GLYCTK: variants seen among roughly 807,000 people sequenced by gnomAD.
The protein encoded by GLYCTK is HBeAg binding protein 4.
In GLYCTK, 22 loss-of-function variants were observed where a neutral mutation model predicts 24.8. The observed-to-expected ratio is 0.89, with a 90% CI of 0.63 to 1.27. The LOEUF (loss-of-function observed/expected upper bound fraction) is 1.27, where lower values mean the gene tolerates loss of function less well. Ranked by LOEUF, GLYCTK falls within the 50% of genes most tolerant of loss-of-function variation. The pLI is 0.00. For missense variants in GLYCTK, 684 were observed against 686.7 expected, an observed-to-expected ratio of 1.00 and a Z score of 0.04; for synonymous variants, 320 against 297.2, an observed-to-expected ratio of 1.08 and a Z score of -0.79.
intron 1 of GLYCTK, among the ~76,000 whole-genome samples, chr3:52,289,649 C>T (rs550551185): frequency 6.6e-6 from 1 of 152,320 alleles, no homozygotes; most frequent in African/African-American, 2.4e-5. Context: ...TGAACCTAAA[C>T]CTCTTGCTGA....
At position 52,293,177 on chromosome 3, in the gene GLYCTK, C is replaced by T; in HGVS notation, c.*51C>T. 1.2e-6 allele frequency: 2 copies of T among 1,601,414 alleles called. No individual in the cohort carries two copies. Among genetic ancestry groups the T allele is most frequent in the East Asian group, 2.2e-5 (1 of 44,846 alleles). ...CAGAGGAGGCCTACAAGGGCAAGGTCAGATGGCAGAGCAAGGTTGGTCCTC... is the reference window on the plus strand; with the variant it reads ...CAGAGGAGGCCTACAAGGGCAAGGTTAGATGGCAGAGCAAGGTTGGTCCTC... On this transcript the variant is annotated 3_prime_UTR_variant, in exon 5 of 5. Transcript: ENST00000436784.
At chr3:52,292,118 C>A in intron 4 of GLYCTK, 142 bp from the exon 5 acceptor site, 2 of 1,256,876 alleles carry the variant, frequency 1.6e-6, no homozygotes, top group Non-Finnish European at 2.2e-6. Context: ...TTTTGCAAGC[C>A]CACGTGAGAG....
chr3:52,290,159 C>T, intron 1 of GLYCTK, 145 bp from the exon 2 acceptor site: 1 of 668,604 alleles, frequency 1.5e-6, no homozygotes, highest in South Asian at 2.0e-5. Flanking sequence ...CTGCAGGCTT[C>T]AGGAAGTCTC....
intron 3 of GLYCTK, 166 bp downstream of exon 3, chr3:52,291,277 G>A (rs555315944): frequency 2.5e-5 from 20 of 788,612 alleles, no homozygotes; most frequent in Admixed American, 4.2e-5. Context: ...TGGGCTAGTC[G>A]TCTGGCCTCC....
rs759397584 is a variant in GLYCTK at position 52,292,742 on chromosome 3, A to C, written c.1188A>C (p.Ala396=). 5 of 1,608,646 alleles carry C rather than the reference A, an allele frequency of 3.1e-6. No homozygotes were observed. The South Asian group carries it at 4.4e-5, about 14-fold the overall frequency. Reference sequence around the variant, plus strand: ...TGGAGGAGGCTCTGGAGACCATGGCATGGGGAAGGGGCCCAGTCTGCCTGC... The same window carrying C: ...TGGAGGAGGCTCTGGAGACCATGGCCTGGGGAAGGGGCCCAGTCTGCCTGC... ...LQLEEALETM[A]WGRGPVCLLA... is the part of the protein sequence containing the mutation. Residue 396 remains alanine, a synonymous_variant, in exon 5 of 5, where the codon GCA becomes GCC. Transcript: ENST00000436784.
rs1426274497 is a variant in GLYCTK, at chr3:52,292,687, C to G, written c.1133C>G (p.Ala378Gly). 3 of 1,606,286 alleles carry G rather than the reference C, an allele frequency of 1.9e-6. No individual in the cohort carries two copies. In the South Asian group the frequency reaches 3.3e-5, roughly 18 times the overall value. The change falls in exon 5 of 5, where the codon GCA becomes GGA. Residue 378 changes from alanine to glycine, a missense_variant. Coordinates refer to ENST00000436784, the MANE Select transcript of GLYCTK (RefSeq NM_145262.4). ...VEEDAQLHEL[A>G]AELQIPDLQL... ...GAAGATGCACAGCTCCATGAGCTGG[C>G]AGCTGAGCTTCAGATCCCAGACCTG...
chr3:52,292,112 G>C (rs1684636386), intron 4 of GLYCTK, 148 bp from the exon 5 acceptor site: 3 of 1,225,880 alleles, frequency 2.4e-6, no homozygotes, highest in Non-Finnish European at 3.5e-6. Flanking sequence ...CAGGTGTTTT[G>C]CAAGCCCACG....
Position 52,290,347 on chromosome 3 carries a change from C to T in GLYCTK, c.5C>T (p.Ala2Val), listed in dbSNP as rs754415959. 2.4e-5 allele frequency: 39 copies of T among 1,596,738 alleles called. No individual in the cohort carries two copies. The highest frequency in any genetic ancestry group is 3.1e-5 in the Non-Finnish European group (37 of 1,179,010). Reference sequence around the variant, plus strand: ...CAGTGCTGAGAGCAGTGGGGCATGGCTGCAGCCCTGCAGGTCCTGCCCCGC... The same window carrying T: ...CAGTGCTGAGAGCAGTGGGGCATGGTTGCAGCCCTGCAGGTCCTGCCCCGC... MAAALQVLPRLA... is the reference protein window; with the variant it reads MVAALQVLPRLA... Residue 2 changes from alanine to valine, a missense_variant, in exon 2 of 5, where the codon GCT becomes GTT. Coordinates refer to ENST00000436784, the MANE Select transcript of GLYCTK (RefSeq NM_145262.4).
In GLYCTK at chr3:52,293,025, A is replaced by G. The variant is rs764539112; in HGVS notation, c.1471A>G (p.Thr491Ala). ...ATFLAHNDSHTFFCCLQGGAH... is the reference protein window; with the variant it reads ...ATFLAHNDSHAFFCCLQGGAH... Reference sequence around the variant, plus strand: ...CTTCCTAGCCCACAATGACTCACATACCTTCTTCTGCTGCCTCCAGGGTGG... The same window carrying G: ...CTTCCTAGCCCACAATGACTCACATGCCTTCTTCTGCTGCCTCCAGGGTGG... The change falls in exon 5 of 5, where the codon ACC (threonine) becomes GCC (alanine). Residue 491 changes from threonine (T) to alanine (A), a missense_variant. Thr to Ala is a moderately conservative substitution (Grantham distance 58). Coordinates refer to ENST00000436784, the MANE Select transcript of GLYCTK (RefSeq NM_145262.4). 6 of 1,613,984 alleles carry G rather than the reference A, an allele frequency of 3.7e-6. No individual in the cohort carries two copies. The East Asian group carries it at 1.3e-4, about 36-fold the overall frequency.
rs1157860249 is a variant in GLYCTK, at chr3:52,292,761, T to C, written c.1207T>C (p.Cys403Arg). 4 of 1,607,824 alleles carry C rather than the reference T, an allele frequency of 2.5e-6. No homozygotes were observed. In the South Asian group the frequency reaches 3.3e-5, roughly 13 times the overall value. Residue 403 changes from cysteine (C) to arginine (R), a missense_variant, in exon 5 of 5, where the codon TGC (cysteine) becomes CGC (arginine). Physicochemically the swap from Cys to Arg is radical, Grantham distance 180 (BLOSUM62 -3). Coordinates refer to ENST00000436784, the MANE Select transcript of GLYCTK (RefSeq NM_145262.4). Reference sequence around the variant, plus strand: ...CATGGCATGGGGAAGGGGCCCAGTCTGCCTGCTGGCTGGTGGCGAGCCCAC... The same window carrying C: ...CATGGCATGGGGAAGGGGCCCAGTCCGCCTGCTGGCTGGTGGCGAGCCCAC... ...ETMAWGRGPVCLLAGGEPTVQ... is the reference protein window; with the variant it reads ...ETMAWGRGPVRLLAGGEPTVQ...
At position 52,294,197 on chromosome 3, in the gene GLYCTK, A is replaced by C. The variant is rs1490974965; in HGVS notation, c.*1071A>C. The C allele has an allele frequency of 1.5e-5, 8 of 534,482 alleles. No homozygotes were observed. The highest frequency in any genetic ancestry group is 1.1e-4 in the South Asian group (8 of 71,584). The allele number at this position is 534,482 out of a possible 1,614,324, so 33.1% of individuals were successfully genotyped here. On this transcript the variant is annotated 3_prime_UTR_variant, in exon 5 of 5. Transcript: ENST00000436784. ...TGCCTCCTTTTGAGCCCCCTTGCTC[A>C]GTGTCAGAACCCTCCGCTGGCTGTC...
In GLYCTK at chr3:52,293,160, G is replaced by A; in HGVS notation, c.*34G>A. ...GTCACATTTTGGGAGTTCAGAGGAG[G>A]CCTACAAGGGCAAGGTCAGATGGCA... is the stretch of plus-strand genomic sequence containing the variant. On this transcript the variant is annotated 3_prime_UTR_variant, in exon 5 of 5. Transcript: ENST00000436784. 6.2e-7 allele frequency: 1 copy of A among 1,610,786 alleles called. No individual in the cohort carries two copies. Among genetic ancestry groups the A allele is most frequent in the Non-Finnish European group, 8.5e-7 (1 of 1,179,642 alleles).
At position 52,293,555 on chromosome 3, in the gene GLYCTK, T is replaced by C; in HGVS notation, c.*429T>C. Reference sequence around the variant, plus strand: ...GAGCGTGGTACGGCTGCAGCCACAGTACCAGGGCCTGGCAGGACTCTTAAC... The same window carrying C: ...GAGCGTGGTACGGCTGCAGCCACAGCACCAGGGCCTGGCAGGACTCTTAAC... On this transcript the variant is annotated 3_prime_UTR_variant, in exon 5 of 5. Transcript: ENST00000436784. 1 of 460,710 alleles carries C rather than the reference T, an allele frequency of 2.2e-6. No individual in the cohort carries two copies. Among genetic ancestry groups the C allele is most frequent in the Admixed American group, 2.3e-5 (1 of 42,722 alleles). The allele number at this position is 460,710 out of a possible 1,614,324, so 28.5% of individuals were successfully genotyped here.
chr3:52,291,753 G>C lies in GLYCTK; in HGVS notation c.536G>C (p.Gly179Ala), dbSNP rs753014519. ...ACCCTCATTGTCTTGAGAGGTGGGG[G>C]TTCAGCTCTGCTGCCTGCCCCCATC... Reference protein sequence around the residue: ...DLLLVLISGGGSALLPAPIPP... With the variant: ...DLLLVLISGGASALLPAPIPP... The change falls in exon 4 of 5, where the codon GGT (glycine) becomes GCT (alanine). Residue 179 changes from glycine to alanine, a missense_variant. By Grantham distance (60) the Gly-to-Ala change is moderately conservative. Coordinates refer to ENST00000436784, the MANE Select transcript of GLYCTK (RefSeq NM_145262.4). 1 of 1,613,490 alleles carries C rather than the reference G, an allele frequency of 6.2e-7. No homozygotes were observed. Among genetic ancestry groups the C allele is most frequent in the South Asian group, 1.1e-5 (1 of 91,074 alleles).
chr3:52,292,552 T>C lies in GLYCTK; in HGVS notation c.998T>C (p.Leu333Pro), dbSNP rs1424434297. Residue 333 changes from leucine (L) to proline (P), a missense_variant, in exon 5 of 5, where the codon CTG becomes CCG. Leu to Pro is a moderately conservative substitution (Grantham distance 98). Coordinates refer to ENST00000436784, the MANE Select transcript of GLYCTK (RefSeq NM_145262.4). ...GCACTGGGCTACCAGGCTGTGGTGC[T>C]GAGTGCAGCCATGCAAGGTGATGTA... ...AEALGYQAVV[L>P]SAAMQGDVKS... The C allele has an allele frequency of 5.6e-6, 9 of 1,613,996 alleles. No homozygotes were observed. The highest frequency in any genetic ancestry group is 7.6e-6 in the Non-Finnish European group (9 of 1,180,014).
At chr3:52,292,033 A>C (rs1339433371) in intron 4 of GLYCTK, 111 bp downstream of exon 4, 28 of 1,242,814 alleles carry the variant, frequency 2.3e-5, no homozygotes, top group Non-Finnish European at 2.4e-5. Flanking sequence ...ATGGTGTGAA[A>C]GACCATGGGG....
Position 52,294,410 on chromosome 3 carries a change from G to T in GLYCTK, c.*1284G>T. 2.0e-6 allele frequency: 1 copy of T among 503,564 alleles called. No homozygotes were observed. The allele number at this position is 503,564 out of a possible 1,614,324, so 31.2% of individuals were successfully genotyped here. On this transcript the variant is annotated 3_prime_UTR_variant, in exon 5 of 5. Transcript: ENST00000436784. ...GGCTGGCAGGACTTTCCCCTGGGAAGGGTTTCCCTTCCCCACCTGGGCTCT... is the reference window on the plus strand; with the variant it reads ...GGCTGGCAGGACTTTCCCCTGGGAATGGTTTCCCTTCCCCACCTGGGCTCT...
intron 1 of GLYCTK, chr3:52,290,042 C>T (rs1700409552): frequency 4.1e-6 from 2 of 484,682 alleles, no homozygotes; most frequent in Non-Finnish European, 7.4e-6. Flanking sequence ...CTAATAGGAA[C>T]TTTGGACTTG....
chr3:52,292,144 A>G, intron 4 of GLYCTK, 116 bp from the exon 5 acceptor site: 1 of 1,405,200 alleles, frequency 7.1e-7, no homozygotes, highest in Non-Finnish European at 9.9e-7. Context: ...AACCATGGGT[A>G]AGGAAATGCA....
Sources: gnomAD v4.1 joint callset for allele counts (sites outside exome capture counted in the v4.1 genomes callset) on GRCh38, gnomAD v4.1.1 for gene constraint, MANE v1.5 for transcripts, NCBI Gene and HGNC (gene_info 2026-07-23, HGNC 2026-07-21) for gene names.